GALNT2: variants seen among roughly 807,000 people sequenced by gnomAD.
GALNT2 encodes UDP-GalNAc:polypeptide N-acetylgalactosaminyltransferase 2.
A neutral mutation model predicts 81.4 loss-of-function variants in GALNT2; 31 were observed. That is an observed-to-expected ratio of 0.38 (90% CI 0.29 to 0.51). The LOEUF (loss-of-function observed/expected upper bound fraction) is 0.51. GALNT2 is among the 20% of genes least tolerant of loss of function. GALNT2 has a pLI of 0.87. For missense variants in GALNT2, 629 were observed against 765.7 expected (o/e 0.82, Z 2.11); for synonymous variants, 303 against 287.4 (o/e 1.05, Z -0.55).
At chr1:230,151,210 C>G (rs1662084157) in intron 1 of GALNT2, among the ~76,000 whole-genome samples, 1 of 152,192 alleles carries the variant, frequency 6.6e-6, no homozygotes, top group East Asian at 1.9e-4. Context: ...TCCCCTGCAG[C>G]TTTCTGGACC....
intron 1 of GALNT2, among the ~76,000 whole-genome samples, chr1:230,102,429 G>A (rs1660428885): frequency 6.6e-6 from 1 of 152,160 alleles, no homozygotes; most frequent in Non-Finnish European, 1.5e-5. Context: ...GAGTGAAGTT[G>A]TGTCTCTGAA....
chr1:230,250,546 G>A lies in GALNT2; in HGVS notation c.995G>A (p.Gly332Glu). 1 of 1,612,250 alleles carries A rather than the reference G, an allele frequency of 6.2e-7. No individual in the cohort carries two copies. Among genetic ancestry groups the A allele is most frequent in the Non-Finnish European group, 8.5e-7 (1 of 1,178,970 alleles). ...TACGACATGATGATGGATGTGTGGG[G>A]AGGAGAGAACCTAGGTATGTACAAG... Reference protein sequence around the residue: ...GKYDMMMDVWGGENLEISFRV... With the variant: ...GKYDMMMDVWEGENLEISFRV... The change falls in exon 10 of 16, where the codon GGA becomes GAA. Residue 332 changes from glycine to glutamate, a missense_variant. Around this residue, in one of 3 missense-constraint regions of GALNT2, gnomAD observed 360 missense variants for 492.8 expected, o/e 0.73. Transcript: ENST00000366672.
At chr1:230,258,059 C>T (rs1665767135) in intron 11 of GALNT2, among the ~76,000 whole-genome samples, 1 of 152,112 alleles carries the variant, frequency 6.6e-6, no homozygotes, top group Non-Finnish European at 1.5e-5. Context: ...GGCTTACAGG[C>T]ATGTGCCACC....
intron 1 of GALNT2, among the ~76,000 whole-genome samples, chr1:230,150,419 A>G (rs1012319033): frequency 4.6e-5 from 7 of 152,190 alleles, no homozygotes; most frequent in African/African-American, 1.7e-4. Context: ...AACCTTTGAA[A>G]CGGTTTCCAA....
chr1:230,213,013 C>T (rs938142632), intron 3 of GALNT2, among the ~76,000 whole-genome samples: 2 of 152,198 alleles, frequency 1.3e-5, no homozygotes, highest in Non-Finnish European at 2.9e-5. Context: ...CATTAGCAAA[C>T]GTATTCTCAA....
chr1:230,227,991 C>A (rs1182091233), intron 3 of GALNT2, among the ~76,000 whole-genome samples: 1 of 152,002 alleles, frequency 6.6e-6, no homozygotes, highest in Non-Finnish European at 1.5e-5. Flanking sequence ...ACTATCAGAA[C>A]AAATAAGAGA....
intron 1 of GALNT2, among the ~76,000 whole-genome samples, chr1:230,131,566 G>T (rs1008553035): frequency 3.3e-5 from 5 of 152,122 alleles, no homozygotes; most frequent in Non-Finnish European, 5.9e-5. Context: ...TTAAGCACTA[G>T]CCACCCAATT....
At chr1:230,194,223 G>A (rs1012722820) in intron 2 of GALNT2, among the ~76,000 whole-genome samples, 3 of 152,212 alleles carry the variant, frequency 2.0e-5, no homozygotes, top group Non-Finnish European at 4.4e-5. Flanking sequence ...CAAAGATGGG[G>A]AAGAGAAAAA....
chr1:230,248,136 G>T (rs147926588), intron 8 of GALNT2, among the ~76,000 whole-genome samples: 15 of 152,310 alleles, frequency 9.8e-5, no homozygotes, highest in African/African-American at 3.1e-4. Flanking sequence ...TTTGTCCAGA[G>T]CCATAAATTC....
At chr1:230,185,269 C>CGTGTGTGTGTGTGT (rs769283797) in intron 2 of GALNT2, among the ~76,000 whole-genome samples, 1 of 125,058 alleles carries the variant, frequency 8.0e-6, no homozygotes, top group Non-Finnish European at 1.6e-5. Flanking sequence ...ACTGTGCGTG[C>CGTGTGTGTGTGTGT]GTGCGTGTGT....
chr1:230,250,622 C>A, intron 10 of GALNT2, 62 bp downstream of exon 10: 5 of 1,292,334 alleles, frequency 3.9e-6, no homozygotes, highest in Non-Finnish European at 5.4e-6. Context: ...AGGCAGGGTG[C>A]CAATTGGAAA....
intron 1 of GALNT2, chr1:230,091,718 C>CCTTCCTGTTGG (rs1660088681): frequency 3.3e-5 from 5 of 152,278 alleles, no homozygotes; most frequent in African/African-American, 1.2e-4. Context: ...GGGCTTTGGT[C>CCTTCCTGTTGG]CTTCCTGTTG....
At position 230,274,348 on chromosome 1, in the gene GALNT2, C is replaced by T. The variant is rs1385810920; in HGVS notation, c.1441-97C>T. ...GGGGTTCTGAATCTAAGCTCCACCC[C>T]GTGACCCATTTCCTTTTTGAGCCCT... On this transcript the variant is annotated intron_variant, in intron 14 of 15. Transcript: ENST00000366672. The T allele has an allele frequency of 2.6e-5, 39 of 1,494,254 alleles. No homozygotes were observed. The East Asian group carries it at 3.7e-4, about 14-fold the overall frequency. 92.6% of individuals were successfully genotyped at this position (1,494,254 alleles called of 1,614,324 possible). A position where few individuals can be genotyped will look rare whatever the true frequency, so the allele number is the denominator to read the frequency against.
intron 1 of GALNT2, among the ~76,000 whole-genome samples, chr1:230,134,795 C>G (rs117302434): frequency 6.6e-6 from 1 of 152,172 alleles, no homozygotes; most frequent in Non-Finnish European, 1.5e-5. Context: ...GCATCTCTCC[C>G]GTGTCATCTG....
At chr1:230,089,519 CTT>C (rs1659997730) in intron 1 of GALNT2, among the ~76,000 whole-genome samples, 1 of 152,134 alleles carries the variant, frequency 6.6e-6, no homozygotes, top group Non-Finnish European at 1.5e-5. Context: ...CTTTAGAACT[CTT>C]TTCATCTAGC....
intron 6 of GALNT2, 23 bp downstream of exon 6, chr1:230,236,748 G>T (rs753114731): frequency 1.3e-6 from 2 of 1,597,546 alleles, no homozygotes; most frequent in Non-Finnish European, 1.7e-6. Context: ...TTAATTCAGC[G>T]CCAAGACAGT....
chr1:230,157,101 C>T lies in GALNT2; in HGVS notation c.127-21117C>T, dbSNP rs568576497. On this transcript the variant is annotated intron_variant, in intron 1 of 15. Transcript: ENST00000366672. ...GGGCTCTCATTTAAGGCCTCGTGTACTGTGGTCATTTGACCTTGGTTCAGA... is the reference window on the plus strand; with the variant it reads ...GGGCTCTCATTTAAGGCCTCGTGTATTGTGGTCATTTGACCTTGGTTCAGA... Among the ~76,000 whole-genome samples, 22 of 152,306 alleles carry T rather than the reference C, an allele frequency of 1.4e-4. No individual in the cohort carries two copies. The South Asian group carries it at 4.4e-3, about 30-fold the overall frequency.
At chr1:230,060,194 G>C (rs563285908) in intron 1 of GALNT2, among the ~76,000 whole-genome samples, 3 of 152,294 alleles carry the variant, frequency 2.0e-5, no homozygotes, top group African/African-American at 7.2e-5. Context: ...TTACTTTACA[G>C]AATGTTCCCC....
chr1:230,152,067 T>A (rs142469339), intron 1 of GALNT2, among the ~76,000 whole-genome samples: 1 of 152,338 alleles, frequency 6.6e-6, no homozygotes, highest in Non-Finnish European at 1.5e-5. Flanking sequence ...TACTGTAGCC[T>A]GTCTTATCAG....
Sources: allele counts gnomAD v4.1 joint callset (sites outside exome capture counted in the v4.1 genomes callset), GRCh38; gene constraint gnomAD v4.1.1; regional missense constraint gnomAD v4.1.1; transcripts MANE v1.5; gene names NCBI Gene and HGNC (gene_info 2026-07-23, HGNC 2026-07-21).